DPYD: variants seen among roughly 807,000 people sequenced by gnomAD.
The protein encoded by DPYD is dihydropyrimidine dehydrogenase, also known as dihydropyrimidine dehydrogenase [NADP(+)].
A neutral mutation model predicts 116.2 loss-of-function variants in DPYD; 109 were observed. That is an observed-to-expected ratio of 0.94 (90% CI 0.80 to 1.10). The LOEUF (loss-of-function observed/expected upper bound fraction) is 1.10. Among genes scored for constraint, DPYD ranks in the 50% least tolerant of loss-of-function variants. The probability of loss-of-function intolerance (pLI) is 0.00; values close to 1 mark genes in which losing one functional copy is unlikely to be tolerated. For synonymous variants in DPYD, 440 were observed against 432.0 expected (o/e 1.02, Z -0.23); for missense variants, 1,302 against 1,254.5 (o/e 1.04, Z -0.57).
chr1:97,274,888 T>C (rs1414171091), intron 18 of DPYD, among the ~76,000 whole-genome samples: 2 of 152,200 alleles, frequency 1.3e-5, no homozygotes, highest in South Asian at 2.1e-4. Context: ...AGAAATTATA[T>C]GTAGAATATG....
chr1:97,149,266 T>C (rs1315320585), intron 20 of DPYD, among the ~76,000 whole-genome samples: 1 of 152,196 alleles, frequency 6.6e-6, no homozygotes, highest in African/African-American at 2.4e-5. Flanking sequence ...TTTTTTATTT[T>C]TTTGTAACAG....
intron 16 of DPYD, among the ~76,000 whole-genome samples, chr1:97,361,481 G>T (rs142477428): frequency 0.021 from 3,197 of 152,238 alleles, 52 homozygotes; most frequent in Middle Eastern, 0.078. Flanking sequence ...TGATACCAAA[G>T]CCTGGCAGAG....
chr1:97,633,207 T>C (rs780235580), intron 8 of DPYD, among the ~76,000 whole-genome samples: 5 of 152,106 alleles, frequency 3.3e-5, no homozygotes, highest in Non-Finnish European at 5.9e-5. Flanking sequence ...ATAAGTTATA[T>C]TCAATAAGAA....
intron 4 of DPYD, among the ~76,000 whole-genome samples, chr1:97,736,414 A>C (rs1441213269): frequency 6.6e-6 from 1 of 152,092 alleles, no homozygotes; most frequent in African/African-American, 2.4e-5. Flanking sequence ...ACAAAAAAAA[A>C]ACCCTTTCTG....
At chr1:97,488,305 G>C (rs1483213158) in intron 13 of DPYD, among the ~76,000 whole-genome samples, 1 of 152,150 alleles carries the variant, frequency 6.6e-6, no homozygotes, top group Admixed American at 6.6e-5. Flanking sequence ...AAGTAAGTGT[G>C]ACTACAAAAG....
intron 18 of DPYD, among the ~76,000 whole-genome samples, chr1:97,272,540 C>T (rs942784206): frequency 6.6e-6 from 1 of 151,920 alleles, no homozygotes; most frequent in African/African-American, 2.4e-5. Flanking sequence ...TTGTTCAATC[C>T]CTTGAGTTAT....
At chr1:97,666,993 G>A (rs908878737) in intron 8 of DPYD, among the ~76,000 whole-genome samples, 11 of 152,032 alleles carry the variant, frequency 7.2e-5, no homozygotes, top group Non-Finnish European at 1.2e-4. Flanking sequence ...GAGCAAATCC[G>A]CCCTGCTACT....
chr1:97,745,987 G>A (rs1664529214), intron 3 of DPYD, among the ~76,000 whole-genome samples: 1 of 152,000 alleles, frequency 6.6e-6, no homozygotes, highest in Non-Finnish European at 1.5e-5. Flanking sequence ...CTCTCCTGGA[G>A]TCCAATTTTA....
chr1:97,810,229 G>A lies in DPYD; in HGVS notation c.233+17885C>T, dbSNP rs1318177338. On this transcript the variant is annotated intron_variant, in intron 3 of 22. Coordinates refer to ENST00000370192, the MANE Select transcript of DPYD (RefSeq NM_000110.4). ...GTGAACCCAGGAGGCAGAGCTTGCAGTGAGCCGAGATCATGCCACTGCACT... is the reference window on the plus strand; with the variant it reads ...GTGAACCCAGGAGGCAGAGCTTGCAATGAGCCGAGATCATGCCACTGCACT... Among the ~76,000 whole-genome samples the A allele has an allele frequency of 3.5e-5, 5 of 142,570 alleles. No individual in the cohort carries two copies. In the East Asian group the frequency reaches 1.1e-3, roughly 32 times the overall value. The allele number at this position is 142,570 out of a possible 152,430, so 93.5% of individuals were successfully genotyped here. A position where few individuals can be genotyped will look rare whatever the true frequency, so the allele number is the denominator to read the frequency against.
intron 2 of DPYD, among the ~76,000 whole-genome samples, chr1:97,850,167 T>C (rs981749422): frequency 6.6e-6 from 1 of 152,202 alleles, no homozygotes; most frequent in African/African-American, 2.4e-5. Flanking sequence ...GAGTCATCTG[T>C]TTCTCAAGTT....
At chr1:97,455,881 C>T (rs1284544434) in intron 13 of DPYD, among the ~76,000 whole-genome samples, 4 of 151,794 alleles carry the variant, frequency 2.6e-5, no homozygotes, top group Admixed American at 6.6e-5. Flanking sequence ...TATATAACGA[C>T]AGTACTCAAT....
chr1:97,405,298 G>A (rs1673595331), intron 14 of DPYD, among the ~76,000 whole-genome samples: 1 of 151,736 alleles, frequency 6.6e-6, no homozygotes, highest in African/African-American at 2.4e-5. Flanking sequence ...CTTTCTTTAT[G>A]TAGGTCCAAG....
At chr1:97,191,224 G>T (rs1298611320) in intron 20 of DPYD, among the ~76,000 whole-genome samples, 1 of 151,438 alleles carries the variant, frequency 6.6e-6, no homozygotes. Flanking sequence ...AAAATTATAG[G>T]ACCAAAAAAA....
At chr1:97,767,824 T>A (rs1665948200) in intron 3 of DPYD, among the ~76,000 whole-genome samples, 1 of 149,650 alleles carries the variant, frequency 6.7e-6, no homozygotes, top group East Asian at 1.9e-4. Flanking sequence ...AACTGCAGAT[T>A]AACTAACATC....
chr1:97,591,893 G>GA (rs764510762), intron 10 of DPYD, among the ~76,000 whole-genome samples: 2,080 of 137,624 alleles, frequency 0.015, 26 homozygotes, highest in South Asian at 0.027. Context: ...TGTATCCCAG[G>GA]AAAAAAAAAA....
chr1:97,195,280 G>A (rs554376907), intron 19 of DPYD, among the ~76,000 whole-genome samples: 2 of 151,908 alleles, frequency 1.3e-5, no homozygotes, highest in South Asian at 2.1e-4. Context: ...TCTGGCAATG[G>A]CAGCCAACAA....
At chr1:97,286,507 C>A (rs1160939916) in intron 18 of DPYD, among the ~76,000 whole-genome samples, 1 of 152,084 alleles carries the variant, frequency 6.6e-6, no homozygotes. Context: ...TAATATCCTG[C>A]AGAGTGTTTT....
intron 18 of DPYD, among the ~76,000 whole-genome samples, chr1:97,240,374 C>T (rs1662250075): frequency 6.6e-6 from 1 of 151,814 alleles, no homozygotes. Flanking sequence ...TTTTAATGAG[C>T]AAGAGAGTGT....
At chr1:97,906,610 C>T (rs1027779858) in intron 1 of DPYD, among the ~76,000 whole-genome samples, 1 of 152,068 alleles carries the variant, frequency 6.6e-6, no homozygotes, top group Non-Finnish European at 1.5e-5. Flanking sequence ...CCACCCTAAT[C>T]CACGGGGATA....
Sources: gnomAD v4.1 joint callset for allele counts (sites outside exome capture counted in the v4.1 genomes callset) on GRCh38, gnomAD v4.1.1 for gene constraint, MANE v1.5 for transcripts, NCBI Gene and HGNC (gene_info 2026-07-23, HGNC 2026-07-21) for gene names.